Variants in NAA11 observed in about 807,000 individuals in gnomAD.
NAA11 encodes N-alpha-acetyltransferase 11, NatA catalytic subunit.
NAA11 carries 15 observed loss-of-function variants against 16.1 expected under a neutral mutation model. That is an observed-to-expected ratio of 0.93 (90% confidence interval 0.62 to 1.44). The LOEUF (loss-of-function observed/expected upper bound fraction) is 1.44. NAA11 is among the 40% of genes most tolerant of loss of function. NAA11 has a pLI of 0.00. For synonymous variants in NAA11, 122 were observed against 112.4 expected (o/e 1.09, Z -0.54); for missense variants, 298 against 291.3 (o/e 1.02, Z -0.17).
At chr4:79,299,171 C>T (rs1335257514) in intron 1 of NAA11, 2 of 152,186 alleles carry the variant, frequency 1.3e-5, no homozygotes, top group African/African-American at 4.8e-5. Context: ...CACAGAATCA[C>T]TAAACTTTAG....
chr4:79,316,286 C>T (rs1470454935), downstream of NAA11, among the ~76,000 whole-genome samples: 1 of 151,846 alleles, frequency 6.6e-6, no homozygotes, highest in Non-Finnish European at 1.5e-5. Context: ...AATAATTTAG[C>T]GTTGAGATAG....
chr4:79,191,692 C>A, the NAA11 span, among the ~76,000 whole-genome samples: 282 of 152,278 alleles, frequency 1.9e-3, 1 homozygote, highest in African/African-American at 6.0e-3. Context: ...TCAGTTAGAT[C>A]CCACTTGTCA....
intron 2 of NAA11, among the ~76,000 whole-genome samples, chr4:79,243,139 G>A (rs1007916795): frequency 9.9e-5 from 15 of 152,182 alleles, no homozygotes; most frequent in Admixed American, 2.6e-4. Flanking sequence ...TGCATACATG[G>A]TAGAGAGAAA....
In NAA11 at chr4:79,325,581, T is replaced by C. The variant is rs367879547; in HGVS notation, c.297A>G (p.Ile99Met). ...ACACGTATTTGGCGTTAAAGTTCTC[T>C]ATCATGGCCCTGGAGGCCTGGTCCA... Reference protein sequence around the residue: ...KLMDQASRAMIENFNAKYVSL... With the variant: ...KLMDQASRAMMENFNAKYVSL... Residue 99 changes from isoleucine (I) to methionine (M), a missense_variant, in exon 1 of 2, where the codon ATA (isoleucine) becomes ATG (methionine). Transcript: ENST00000286794. 2 of 1,614,094 alleles carry C rather than the reference T, an allele frequency of 1.2e-6. No homozygotes were observed. Among genetic ancestry groups the C allele is most frequent in the African/African-American group, 2.7e-5 (2 of 75,042 alleles).
the NAA11 span, among the ~76,000 whole-genome samples, chr4:79,190,468 TA>T: frequency 4.0e-5 from 6 of 149,968 alleles, no homozygotes; most frequent in African/African-American, 2.4e-5. Flanking sequence ...TTTTTTTTTT[TA>T]AAAAAAGCAC....
chr4:79,234,762 GT>G (rs1325691243), intron 2 of NAA11, among the ~76,000 whole-genome samples: 1 of 151,922 alleles, frequency 6.6e-6, no homozygotes, highest in Non-Finnish European at 1.5e-5. Context: ...GAATGTCTGG[GT>G]TTTTTTCATA....
chr4:79,273,772 A>C (rs1022349958), intron 2 of NAA11, among the ~76,000 whole-genome samples: 1 of 152,036 alleles, frequency 6.6e-6, no homozygotes, highest in Non-Finnish European at 1.5e-5. Flanking sequence ...GCAGCTGTGA[A>C]ACTCCTCTAA....
Position 79,235,373 on chromosome 4 carries a change from C to T in NAA11, c.*123-9103G>A, listed in dbSNP as rs150083268. ...ACAGATGGAGGACCCCAAGTGTGAACGAAAACAGCTTCAGCTTGAAAGAAA... is the reference window on the plus strand; with the variant it reads ...ACAGATGGAGGACCCCAAGTGTGAATGAAAACAGCTTCAGCTTGAAAGAAA... On this transcript the variant is annotated intron_variant and NMD_transcript_variant, in intron 2 of 2. Coordinates refer to the NAA11 transcript ENST00000511542. 3.6e-3 allele frequency among the ~76,000 whole-genome samples: 553 copies of T among 151,896 alleles called. 2 individuals are homozygous for T. The highest frequency in any genetic ancestry group is 0.013 in the African/African-American group (533 of 41,430).
chr4:79,280,973 T>A (rs1361110376), intron 2 of NAA11, among the ~76,000 whole-genome samples: 2 of 151,680 alleles, frequency 1.3e-5, no homozygotes, highest in African/African-American at 4.9e-5. Flanking sequence ...AGTGAGGGAG[T>A]GATATAAGAA....
intron 2 of NAA11, among the ~76,000 whole-genome samples, chr4:79,256,651 A>ATATATAAATAT (rs1722113513): frequency 7.6e-5 from 10 of 130,740 alleles, no homozygotes; most frequent in African/African-American, 2.8e-4. Context: ...TATAAATATA[A>ATATATAAATAT]ATATATATAT....
At chr4:79,285,636 T>G (rs1722889233) in intron 2 of NAA11, among the ~76,000 whole-genome samples, 1 of 152,026 alleles carries the variant, frequency 6.6e-6, no homozygotes. Context: ...TAAAACTAAC[T>G]AAAAATAGCA....
At chr4:79,189,555 T>C in the NAA11 span, among the ~76,000 whole-genome samples, 2 of 151,790 alleles carry the variant, frequency 1.3e-5, no homozygotes, top group Non-Finnish European at 1.5e-5. Context: ...GCTCTCACCA[T>C]GTCCCTGCAG....
At chr4:79,184,105 C>T in the NAA11 span, among the ~76,000 whole-genome samples, 1 of 152,162 alleles carries the variant, frequency 6.6e-6, no homozygotes, top group Non-Finnish European at 1.5e-5. Context: ...ACTATCAAAA[C>T]ATATCCAAAG....
the NAA11 span, among the ~76,000 whole-genome samples, chr4:79,178,807 T>C: frequency 6.6e-6 from 1 of 152,174 alleles, no homozygotes; most frequent in African/African-American, 2.4e-5. Context: ...TGAAATGGTC[T>C]CTGTGATTTG....
intron 2 of NAA11, among the ~76,000 whole-genome samples, chr4:79,271,540 G>T (rs950557222): frequency 7.2e-5 from 11 of 151,948 alleles, no homozygotes; most frequent in African/African-American, 2.2e-4. Flanking sequence ...GAAAATCTGT[G>T]CCATTGATAA....
chr4:79,162,915 A>G, the NAA11 span, among the ~76,000 whole-genome samples: 2 of 152,234 alleles, frequency 1.3e-5, no homozygotes, highest in African/African-American at 4.8e-5. Flanking sequence ...TTTTTCATAT[A>G]TTATTATATA....
At chr4:79,316,153 C>G (rs1323903131), downstream of NAA11, among the ~76,000 whole-genome samples, 1 of 152,048 alleles carries the variant, frequency 6.6e-6, no homozygotes, top group East Asian at 1.9e-4. Context: ...GACATATTGA[C>G]AAAAGCTCAA....
the NAA11 span, among the ~76,000 whole-genome samples, chr4:79,163,174 T>C: frequency 6.6e-6 from 1 of 152,322 alleles, no homozygotes; most frequent in African/African-American, 2.4e-5. Flanking sequence ...ATGGTGTCTT[T>C]TAGAGTTGGC....
chr4:79,250,712 T>C (rs1721976242), intron 2 of NAA11, among the ~76,000 whole-genome samples: 1 of 152,176 alleles, frequency 6.6e-6, no homozygotes, highest in Admixed American at 6.5e-5. Flanking sequence ...GGAGAAAATA[T>C]TTGCAAACTA....
Sources: gnomAD v4.1 joint callset for allele counts (sites outside exome capture counted in the v4.1 genomes callset) on GRCh38, gnomAD v4.1.1 for gene constraint, MANE v1.5 for transcripts, NCBI Gene and HGNC (gene_info 2026-07-23, HGNC 2026-07-21) for gene names.